TANGO2: variants seen among roughly 807,000 people sequenced by gnomAD.
TANGO2 encodes the protein transport and golgi organization 2 homolog.
A neutral mutation model predicts 39.1 loss-of-function variants in TANGO2; 26 were observed. That is an observed-to-expected ratio of 0.67 (90% confidence interval 0.49 to 0.92). TANGO2 has a LOEUF of 0.92. Among genes scored for constraint, TANGO2 ranks in the 40% least tolerant of loss-of-function variants. The pLI, the probability that TANGO2 is intolerant of heterozygous loss-of-function variation, is 0.00. For missense variants in TANGO2, 326 were observed against 360.1 expected, an observed-to-expected ratio of 0.91 and a Z score of 0.77; for synonymous variants, 131 against 144.5, an observed-to-expected ratio of 0.91 and a Z score of 0.67.
At chr22:20,026,376 C>A (rs975763637) in intron 1 of TANGO2, among the ~76,000 whole-genome samples, 1 of 145,118 alleles carries the variant, frequency 6.9e-6, no homozygotes, top group African/African-American at 2.6e-5. Context: ...CCAGCCTGGG[C>A]GACATAGCGA....
chr22:20,035,382 C>CT (rs1330639177), intron 1 of TANGO2, among the ~76,000 whole-genome samples: 2 of 152,268 alleles, frequency 1.3e-5, no homozygotes, highest in Non-Finnish European at 1.5e-5. Flanking sequence ...TGAACAGCTT[C>CT]TTGGCTGTCC....
chr22:20,037,063 C>T lies in TANGO2; in HGVS notation c.56+209C>T, dbSNP rs574050154. The T allele has an allele frequency of 9.4e-5, 145 of 1,536,400 alleles. 1 individual carries two copies. In the South Asian group the frequency reaches 1.7e-3, roughly 18 times the overall value. ...GGGGACTCCAGTCAATGTACAAAGA[C>T]GTGAAGACTCAGCCACAGAAGGCAG... On this transcript the variant is annotated intron_variant, in intron 2 of 8. Coordinates refer to ENST00000327374, the MANE Select transcript of TANGO2 (RefSeq NM_152906.7).
chr22:20,036,729 C>G, intron 1 of TANGO2, 31 bp from the exon 2 acceptor site: 1 of 1,593,582 alleles, frequency 6.3e-7, no homozygotes, highest in Non-Finnish European at 8.6e-7. Flanking sequence ...GTCTGCCATC[C>G]GCTCAACTCA....
intron 1 of TANGO2, among the ~76,000 whole-genome samples, chr22:20,021,841 C>T (rs2039748066): frequency 6.6e-6 from 1 of 152,228 alleles, no homozygotes; most frequent in South Asian, 2.1e-4. Flanking sequence ...ACCTTCCCTG[C>T]CCCTAGCACC....
chr22:20,060,097 C>A (rs1239220226), intron 6 of TANGO2, among the ~76,000 whole-genome samples: 2 of 151,916 alleles, frequency 1.3e-5, no homozygotes, highest in African/African-American at 4.8e-5. Context: ...CGCCTGTAAT[C>A]CCAGCACTTT....
intron 6 of TANGO2, among the ~76,000 whole-genome samples, chr22:20,059,712 CTT>C (rs1466017176): frequency 6.6e-6 from 1 of 152,138 alleles, no homozygotes; most frequent in Non-Finnish European, 1.5e-5. Flanking sequence ...ACTGGGTTGT[CTT>C]TTTGAGTTAT....
intron 1 of TANGO2, chr22:20,033,227 G>C (rs139002846): frequency 1.9e-6 from 1 of 528,106 alleles, no homozygotes; most frequent in African/African-American, 1.9e-5. Flanking sequence ...CCCAATGACC[G>C]CGTCTTCGTC....
At chr22:20,040,975 G>T (rs1050139560) in intron 2 of TANGO2, among the ~76,000 whole-genome samples, 4 of 152,186 alleles carry the variant, frequency 2.6e-5, no homozygotes, top group African/African-American at 9.6e-5. Flanking sequence ...AGGTGGTAAG[G>T]CTTCCATAGC....
At chr22:20,046,809 T>C (rs1243544575) in intron 3 of TANGO2, among the ~76,000 whole-genome samples, 1 of 152,154 alleles carries the variant, frequency 6.6e-6, no homozygotes. Flanking sequence ...GCCCAATTTT[T>C]GTATTTTTAG....
intron 1 of TANGO2, among the ~76,000 whole-genome samples, chr22:20,021,832 C>T (rs1270840422): frequency 3.9e-5 from 6 of 152,238 alleles, no homozygotes; most frequent in Admixed American, 2.0e-4. Flanking sequence ...GAGACCCCCA[C>T]CTTCCCTGCC....
At chr22:20,020,510 G>C (rs544054230), upstream of TANGO2, among the ~76,000 whole-genome samples, 6 of 152,212 alleles carry the variant, frequency 3.9e-5, no homozygotes, top group South Asian at 8.3e-4. Flanking sequence ...GGCTACACTG[G>C]GGGGTGGAAG....
In TANGO2 at chr22:20,052,468, T is replaced by C. The variant is rs1328647913; in HGVS notation, c.149T>C (p.Leu50Pro). ...WGNNNEILSGLDMEEGKEGGT... is the reference protein window; with the variant it reads ...WGNNNEILSGPDMEEGKEGGT... ...GTAACACTGTCATCTGCCACAGGGC[T>C]GGACATGGAGGAAGGCAAGGAAGGA... The change falls in exon 4 of 9, where the codon CTG (leucine) becomes CCG (proline). Residue 50 changes from leucine to proline, a missense_variant. By Grantham distance (98) the Leu-to-Pro change is moderately conservative. Transcript: ENST00000327374. 2 of 1,600,232 alleles carry C rather than the reference T, an allele frequency of 1.2e-6. No homozygotes were observed. The highest frequency in any genetic ancestry group is 1.7e-6 in the Non-Finnish European group (2 of 1,173,520).
chr22:20,060,440 A>G (rs2048170607), intron 6 of TANGO2, among the ~76,000 whole-genome samples: 1 of 151,246 alleles, frequency 6.6e-6, no homozygotes, highest in East Asian at 2.0e-4. Context: ...TATGTTTTGT[A>G]GAGATAAGGC....
intron 3 of TANGO2, among the ~76,000 whole-genome samples, chr22:20,043,878 A>T (rs1569284410): frequency 6.6e-6 from 1 of 151,912 alleles, no homozygotes; most frequent in Non-Finnish European, 1.5e-5. Flanking sequence ...TGCTTCAGGG[A>T]TGGTGGGGCT....
intron 1 of TANGO2, among the ~76,000 whole-genome samples, chr22:20,030,795 G>A (rs1239778435): frequency 1.3e-5 from 2 of 152,204 alleles, no homozygotes; most frequent in Non-Finnish European, 2.9e-5. Flanking sequence ...TTAAAAGGAT[G>A]TCACTTATAC....
chr22:20,041,756 C>CT (rs1369699414), intron 2 of TANGO2, among the ~76,000 whole-genome samples: 2 of 152,212 alleles, frequency 1.3e-5, no homozygotes, highest in African/African-American at 2.4e-5. Flanking sequence ...GTGAGCACCA[C>CT]TTTCACTCCC....
At chr22:20,039,976 G>A (rs555251123) in intron 2 of TANGO2, among the ~76,000 whole-genome samples, 2 of 152,248 alleles carry the variant, frequency 1.3e-5, no homozygotes, top group South Asian at 2.1e-4. Context: ...AAATAAAGCC[G>A]AGGTGACTTG....
chr22:20,044,127 C>T (rs919655192), intron 3 of TANGO2, among the ~76,000 whole-genome samples: 10 of 152,136 alleles, frequency 6.6e-5, no homozygotes, highest in Admixed American at 2.6e-4. Flanking sequence ...GCGTACCAGG[C>T]GCCAAGTGGG....
upstream of TANGO2, chr22:20,019,083 C>CA (rs1448830393): frequency 4.6e-5 from 7 of 151,190 alleles, no homozygotes; most frequent in Admixed American, 2.0e-4. Context: ...GACTCCATCT[C>CA]AAAAAAAAGG....
Sources: gnomAD v4.1 joint callset for allele counts (sites outside exome capture counted in the v4.1 genomes callset) on GRCh38, gnomAD v4.1.1 for gene constraint, MANE v1.5 for transcripts, NCBI Gene and HGNC (gene_info 2026-07-23, HGNC 2026-07-21) for gene names.